ACRV1: variants seen among roughly 807,000 people sequenced by gnomAD.
ACRV1 encodes acrosomal vesicle protein 1.
Under a neutral mutation model 29.2 loss-of-function variants are expected in ACRV1, and 17 were observed. The ratio of observed to expected loss-of-function variants is 0.58; its 90% CI spans 0.40 to 0.87. The LOEUF (loss-of-function observed/expected upper bound fraction) is 0.87. ACRV1 is among the 40% of genes least tolerant of loss of function. The pLI is 0.00. For synonymous variants in ACRV1, 98 were observed against 111.6 expected (o/e 0.88, Z 0.77); for missense variants, 294 against 316.0 (o/e 0.93, Z 0.53).
intron 2 of ACRV1, among the ~76,000 whole-genome samples, chr11:125,677,282 A>G (rs1942555894): frequency 6.6e-6 from 1 of 152,234 alleles, no homozygotes; most frequent in Non-Finnish European, 1.5e-5. Flanking sequence ...CTTTTAATTA[A>G]GAGCCACAGA....
rs140653303 is a variant in ACRV1 at position 125,678,411 on chromosome 11, A to G, written c.53-114T>C. ...AGACTCCTAGGTTTCCTATGGGCCT[A>G]GATTGGGCACCTGAAGACTGCAGAT... On this transcript the variant is annotated intron_variant, in intron 1 of 3. Transcript: ENST00000533904. 34 of 1,289,460 alleles carry G rather than the reference A, an allele frequency of 2.6e-5. No individual in the cohort carries two copies. The African/African-American group carries it at 4.2e-4, about 16-fold the overall frequency. 79.9% of individuals were successfully genotyped at this position (1,289,460 alleles called of 1,614,324 possible).
chr11:125,676,433 C>T lies in ACRV1; in HGVS notation c.599G>A (p.Gly200Glu). ...GGTTCCCTCTCCACGAAGACATTTT[C>T]CTTGATCATTCATATAAGCACATGT... The part of the protein sequence containing the change: ...CYTCAYMNDQ[G>E]KCLRGEGTCI... Residue 200 changes from glycine to glutamate, a missense_variant, in exon 3 of 4, where the codon GGA becomes GAA. Coordinates refer to ENST00000533904, the MANE Select transcript of ACRV1 (RefSeq NM_001612.6). 6.2e-7 allele frequency: 1 copy of T among 1,614,092 alleles called. No homozygotes were observed. Among genetic ancestry groups the T allele is most frequent in the Non-Finnish European group, 8.5e-7 (1 of 1,179,996 alleles).
rs1247500958 is a variant in ACRV1, at chr11:125,676,484, A to T, written c.554-6T>A. On this transcript the variant is annotated splice_region_variant and splice_polypyrimidine_tract_variant and intron_variant, in intron 2 of 3. Transcript: ENST00000533904. The stretch of plus-strand genomic sequence containing the variant: ...GTAGCAATTTAATATTGTGCCTGAA[A>T]ATTTAAGATAAGCCTGATGACATTT... 1.9e-6 allele frequency: 3 copies of T among 1,614,116 alleles called. No homozygotes were observed. The East Asian group carries it at 6.7e-5, about 36-fold the overall frequency.
chr11:125,678,379 T>C (rs1271823022), intron 1 of ACRV1, 82 bp from the exon 2 acceptor site: 3 of 1,507,408 alleles, frequency 2.0e-6, no homozygotes, highest in Non-Finnish European at 2.7e-6. Context: ...GTTAGGCTAA[T>C]GTTATGAGAC....
chr11:125,679,904 CTACTT>C (rs1195290851), intron 1 of ACRV1, among the ~76,000 whole-genome samples: 5 of 152,172 alleles, frequency 3.3e-5, no homozygotes, highest in African/African-American at 1.2e-4. Flanking sequence ...TAAATACTAT[CTACTT>C]GACTGGTTTT....
intron 1 of ACRV1, among the ~76,000 whole-genome samples, chr11:125,679,112 TC>T: frequency 6.7e-6 from 1 of 150,192 alleles, no homozygotes. Flanking sequence ...TGCCTAGTAC[TC>T]AATTTTATTT....
chr11:125,672,321 T>A lies in ACRV1; in HGVS notation c.*272A>T. On this transcript the variant is annotated 3_prime_UTR_variant, in exon 4 of 4. Transcript: ENST00000533904. ...GATTAATGGGGGAAAAAAAGGTCTGTCTTGAGCCTGTGTGCTTTAACCATG... is the reference window on the plus strand; with the variant it reads ...GATTAATGGGGGAAAAAAAGGTCTGACTTGAGCCTGTGTGCTTTAACCATG... 2.8e-6 allele frequency: 1 copy of A among 356,118 alleles called. No individual in the cohort carries two copies. Among genetic ancestry groups the A allele is most frequent in the South Asian group, 4.6e-5 (1 of 21,728 alleles). 22.1% of individuals were successfully genotyped at this position (356,118 alleles called of 1,614,324 possible).
At position 125,674,684 on chromosome 11, in the gene ACRV1, G is replaced by T. The variant is rs113229545; in HGVS notation, c.673+1675C>A. On this transcript the variant is annotated intron_variant, in intron 3 of 3. Transcript: ENST00000533904. ...CCTGAAGAAGCGCTTTGACCAACCT[G>T]GATGGGCTACTGGCTCTGCCTTTTC... 1.4e-4 allele frequency among the ~76,000 whole-genome samples: 22 copies of T among 152,272 alleles called. 1 individual carries two copies. Among genetic ancestry groups the T allele is most frequent in the African/African-American group, 5.3e-4 (22 of 41,558 alleles).
Position 125,672,299 on chromosome 11 carries a change from TA to T in ACRV1, c.*293del, listed in dbSNP as rs1942224241. 3.8e-6 allele frequency: 1 copy of T among 265,972 alleles called. No individual in the cohort carries two copies. The highest frequency in any genetic ancestry group is 2.2e-5 in the African/African-American group (1 of 44,688). 16.5% of individuals were successfully genotyped at this position (265,972 alleles called of 1,614,324 possible). The stretch of plus-strand genomic sequence containing the variant: ...GCTCATGTTGACCCTGCAACTAGAT[TA>T]ATGGGGGAAAAAAAGGTCTGTCTTG... On this transcript the variant is annotated 3_prime_UTR_variant, in exon 4 of 4. Coordinates refer to ENST00000533904, the MANE Select transcript of ACRV1 (RefSeq NM_001612.6).
intron 3 of ACRV1, among the ~76,000 whole-genome samples, chr11:125,675,624 T>C (rs888808269): frequency 6.6e-6 from 1 of 152,240 alleles, no homozygotes; most frequent in African/African-American, 2.4e-5. Context: ...ATACTCAGAC[T>C]GGTCTGGTAA....
In ACRV1 at chr11:125,678,306, G is replaced by A; in HGVS notation, c.53-9C>T. 1 of 1,612,310 alleles carries A rather than the reference G, an allele frequency of 6.2e-7. No homozygotes were observed. The highest frequency in any genetic ancestry group is 8.5e-7 in the Non-Finnish European group (1 of 1,179,168). On this transcript the variant is annotated splice_polypyrimidine_tract_variant and intron_variant, in intron 1 of 3. Coordinates refer to ENST00000533904, the MANE Select transcript of ACRV1 (RefSeq NM_001612.6). ...AGGCTGACTTGATGTTCCTGGGATG[G>A]AGAAGGAACAGAAGAGAGTTGGTGA...
intron 1 of ACRV1, among the ~76,000 whole-genome samples, chr11:125,679,755 C>T (rs1024125775): frequency 2.0e-5 from 3 of 152,190 alleles, no homozygotes; most frequent in South Asian, 2.1e-4. Flanking sequence ...AAGAATCTTG[C>T]GATAGATATA....
intron 1 of ACRV1, among the ~76,000 whole-genome samples, chr11:125,679,457 A>AGG (rs1251345812): frequency 1.3e-5 from 2 of 152,180 alleles, no homozygotes; most frequent in East Asian, 3.9e-4. Context: ...ACCTCAAGTG[A>AGG]TCCGCCCGCC....
rs187938982 is a variant in ACRV1, at chr11:125,675,670, G to A, written c.673+689C>T. 1.9e-4 allele frequency among the ~76,000 whole-genome samples: 29 copies of A among 152,272 alleles called. 1 individual carries two copies. Among genetic ancestry groups the A allele is most frequent in the African/African-American group, 6.5e-4 (27 of 41,552 alleles). On this transcript the variant is annotated intron_variant, in intron 3 of 3. Coordinates refer to ENST00000533904, the MANE Select transcript of ACRV1 (RefSeq NM_001612.6). ...CAGACTTGTAGACAGTTGTTTATTAGTTTATCCATTCAATATTTACTAAAT... is the reference window on the plus strand; with the variant it reads ...CAGACTTGTAGACAGTTGTTTATTAATTTATCCATTCAATATTTACTAAAT...
chr11:125,676,046 T>C (rs2134118282), intron 3 of ACRV1: 1 of 229,432 alleles, frequency 4.4e-6, no homozygotes, highest in East Asian at 9.4e-5. Context: ...TAGCTGGGAT[T>C]ACAGGTGCCC....
chr11:125,678,016 C>T lies in ACRV1; in HGVS notation c.334G>A (p.Glu112Lys). ...GAAGGCTGTTCTCCTGAAGGCTGCTCACCTACAGTATGCTCACCTTCAGCA... is the reference window on the plus strand; with the variant it reads ...GAAGGCTGTTCTCCTGAAGGCTGCTTACCTACAGTATGCTCACCTTCAGCA... Reference protein sequence around the residue: ...EHAEGEHTVGEQPSGEQPSGE... With the variant: ...EHAEGEHTVGKQPSGEQPSGE... Residue 112 changes from glutamate (E) to lysine (K), a missense_variant, in exon 2 of 4, where the codon GAG (glutamate) becomes AAG (lysine). Physicochemically the swap from Glu to Lys is moderately conservative, Grantham distance 56 (BLOSUM62 1). Transcript: ENST00000533904. 1.2e-6 allele frequency: 2 copies of T among 1,614,136 alleles called. No individual in the cohort carries two copies. The highest frequency in any genetic ancestry group is 1.7e-6 in the Non-Finnish European group (2 of 1,180,016).
At chr11:125,679,908 T>G (rs1420841511) in intron 1 of ACRV1, among the ~76,000 whole-genome samples, 4 of 152,228 alleles carry the variant, frequency 2.6e-5, no homozygotes, top group Non-Finnish European at 4.4e-5. Flanking sequence ...TACTATCTAC[T>G]TGACTGGTTT....
rs370037825 is a variant in ACRV1 at position 125,672,644 on chromosome 11, C to T, written c.747G>A (p.Thr249=). 1.4e-5 allele frequency: 23 copies of T among 1,614,136 alleles called. No individual in the cohort carries two copies. The highest frequency in any genetic ancestry group is 8.9e-5 in the East Asian group (4 of 44,862). Reference sequence around the variant, plus strand: ...TTCGACAGCATATAATTTGCATCCTCGTTCCATGGGAGAAGAGGTTCATAG... The same window carrying T: ...TTCGACAGCATATAATTTGCATCCTTGTTCCATGGGAGAAGAGGTTCATAG... The part of the protein sequence containing the change: ...CPSMNLFSHG[T]RMQIICCRNQ... The change falls in exon 4 of 4, where the codon ACG becomes ACA. Residue 249 remains threonine (T), a synonymous_variant. Transcript: ENST00000533904.
Position 125,677,894 on chromosome 11 carries a change from T to A in ACRV1, c.456A>T (p.Glu152Asp). 1 of 1,613,994 alleles carries A rather than the reference T, an allele frequency of 6.2e-7. No individual in the cohort carries two copies. Among genetic ancestry groups the A allele is most frequent in the South Asian group, 1.1e-5 (1 of 91,060 alleles). ...CCGAGGCCTGCTCACCAGAAGGCTG[T>A]TCACCGGAGCCATGTTCACCTGAAG... Reference protein sequence around the residue: ...EQPSGEHGSGEQPSGEQASGE... With the variant: ...EQPSGEHGSGDQPSGEQASGE... The change falls in exon 2 of 4, where the codon GAA becomes GAT. Residue 152 changes from glutamate to aspartate, a missense_variant. By Grantham distance (45) the Glu-to-Asp change is conservative. Transcript: ENST00000533904.
Sources: gnomAD v4.1 joint callset for allele counts (sites outside exome capture counted in the v4.1 genomes callset) on GRCh38, gnomAD v4.1.1 for gene constraint, MANE v1.5 for transcripts, NCBI Gene and HGNC (gene_info 2026-07-23, HGNC 2026-07-21) for gene names.